Variants in ZNF607 observed in about 807,000 individuals in gnomAD.
ZNF607 encodes the protein zinc finger protein 607.
In ZNF607, 5 loss-of-function variants were observed where a neutral mutation model predicts 12.8. That is an observed-to-expected ratio of 0.39 (90% CI 0.20 to 0.82). The LOEUF (loss-of-function observed/expected upper bound fraction) is 0.82, where lower values mean the gene tolerates loss of function less well. Among genes scored for constraint, ZNF607 ranks in the 40% least tolerant of loss-of-function variants. The pLI, the probability that ZNF607 is intolerant of heterozygous loss-of-function variation, is 0.39. For synonymous variants in ZNF607, 287 were observed against 276.2 expected (o/e 1.04, Z -0.39); for missense variants, 851 against 859.2 (o/e 0.99, Z 0.12).
rs761170851 is a variant in ZNF607 at position 37,698,868 on chromosome 19, G to C, written c.1263C>G (p.Tyr421Ter). Residue 421 changes from tyrosine to a stop codon, truncating the protein, a stop_gained, in exon 5 of 5, where the codon TAC (tyrosine) becomes TAG (stop). Transcript: ENST00000355202. LOFTEE classifies it low-confidence loss of function (END_TRUNC). ...AGGCCTTCCCACATTCCTTACATTT[G>C]TAGGGTTTCTCACCGGTATGAATAT... ...HQNIHTGEKP[Y>*]KCKECGKAFS... The C allele has an allele frequency of 1.9e-6, 3 of 1,613,818 alleles. No homozygotes were observed. In the Admixed American group the frequency reaches 5.0e-5, roughly 27 times the overall value.
chr19:37,698,391 G>C lies in ZNF607; in HGVS notation c.1740C>G (p.Asp580Glu). 1 of 1,614,074 alleles carries C rather than the reference G, an allele frequency of 6.2e-7. No homozygotes were observed. Among genetic ancestry groups the C allele is most frequent in the Middle Eastern group, 1.6e-4 (1 of 6,062 alleles). ...FRHATSLIYH[D>E]RTHAGEKSYE... ...AGGACTTTTCACCAGCATGAGTTCG[G>C]TCATGATATATGAGGCTTGTGGCAT... Residue 580 changes from aspartate (D) to glutamate (E), a missense_variant, in exon 5 of 5, where the codon GAC becomes GAG. Physicochemically the swap from Asp to Glu is conservative, Grantham distance 45. Coordinates refer to ENST00000355202, the MANE Select transcript of ZNF607 (RefSeq NM_032689.5).
rs35046214 is a variant in ZNF607 at position 37,717,827 on chromosome 19, A to G, written c.-75+1442T>C. ...GTCTCAAAAAAAAAAAAAAAAAAAAAAAAGAAAGAAAAAGAGTTGCATATA... is the reference window on the plus strand; with the variant it reads ...GTCTCAAAAAAAAAAAAAAAAAAAAGAAAGAAAGAAAAAGAGTTGCATATA... On this transcript the variant is annotated intron_variant, in intron 1 of 4. Transcript: ENST00000355202. Among the ~76,000 whole-genome samples, 191 of 150,792 alleles carry G rather than the reference A, an allele frequency of 1.3e-3. 1 individual carries two copies. The highest frequency in any genetic ancestry group is 6.8e-3 in the Middle Eastern group (2 of 294).
chr19:37,718,030 C>G (rs962024649), intron 1 of ZNF607, among the ~76,000 whole-genome samples: 1 of 152,040 alleles, frequency 6.6e-6, no homozygotes, highest in Non-Finnish European at 1.5e-5. Flanking sequence ...CATTAGTTTT[C>G]TGCAAAACCA....
chr19:37,698,680 T>C lies in ZNF607; in HGVS notation c.1451A>G (p.Lys484Arg), dbSNP rs1222136849. Residue 484 changes from lysine to arginine, a missense_variant, in exon 5 of 5, where the codon AAG (lysine) becomes AGG (arginine). Lys to Arg is a conservative substitution (Grantham distance 26). Coordinates refer to ENST00000355202, the MANE Select transcript of ZNF607 (RefSeq NM_032689.5). ...EKPYVCQECG[K>R]GFSYSHKLTI... ...GAGTTTATGGCTATAACTAAAACCC[T>C]TCCCACACTCTTGACATACATAGGG... 1 of 1,613,210 alleles carries C rather than the reference T, an allele frequency of 6.2e-7. No homozygotes were observed. The highest frequency in any genetic ancestry group is 8.5e-7 in the Non-Finnish European group (1 of 1,179,476).
chr19:37,697,304 C>T lies in ZNF607; in HGVS notation c.*736G>A. The T allele has an allele frequency of 2.0e-6, 2 of 1,000,550 alleles. No individual in the cohort carries two copies. Among genetic ancestry groups the T allele is most frequent in the Admixed American group, 1.7e-5 (1 of 58,290 alleles). 62.0% of individuals were successfully genotyped at this position (1,000,550 alleles called of 1,614,324 possible). A position where few individuals can be genotyped will look rare whatever the true frequency, so the allele number is the denominator to read the frequency against. ...ATTGGTCAAAGATGGCAGCTCTGTG[C>T]CCAGCATCCACATTACATAAGGCAG... On this transcript the variant is annotated 3_prime_UTR_variant, in exon 5 of 5. Transcript: ENST00000355202.
At chr19:37,702,304 A>G (rs1169305002) in intron 4 of ZNF607, among the ~76,000 whole-genome samples, 2 of 151,184 alleles carry the variant, frequency 1.3e-5, no homozygotes, top group Non-Finnish European at 3.0e-5. Context: ...AAAAAAAAAA[A>G]AAAAAGAAAG....
chr19:37,698,821 G>C lies in ZNF607; in HGVS notation c.1310C>G (p.Ala437Gly). 1 of 1,613,316 alleles carries C rather than the reference G, an allele frequency of 6.2e-7. No homozygotes were observed. Among genetic ancestry groups the C allele is most frequent in the Non-Finnish European group, 8.5e-7 (1 of 1,179,640 alleles). Residue 437 changes from alanine to glycine, a missense_variant, in exon 5 of 5, where the codon GCC becomes GGC. Coordinates refer to ENST00000355202, the MANE Select transcript of ZNF607 (RefSeq NM_032689.5). ...GKAFSQRAHLAHHNRIHTGYK... is the reference protein window; with the variant it reads ...GKAFSQRAHLGHHNRIHTGYK... ...ACCAGTATGAATTCTGTTATGATGG[G>C]CAAGGTGTGCACGCTGACTGAAGGC...
At chr19:37,701,138 A>G (rs2091693081) in intron 4 of ZNF607, among the ~76,000 whole-genome samples, 1 of 152,228 alleles carries the variant, frequency 6.6e-6, no homozygotes. Context: ...AAGATATTCC[A>G]GAGAAACAAT....
intron 3 of ZNF607, among the ~76,000 whole-genome samples, chr19:37,708,561 T>C (rs2909093): frequency 0.75 from 113,165 of 151,246 alleles, 42,954 homozygotes; most frequent in Middle Eastern, 0.83. Context: ...TGAAAACACA[T>C]ACTCTAAAGC....
At chr19:37,701,869 G>C (rs948240132) in intron 4 of ZNF607, among the ~76,000 whole-genome samples, 1 of 149,654 alleles carries the variant, frequency 6.7e-6, no homozygotes, top group Non-Finnish European at 1.5e-5. Context: ...ATATAACCAT[G>C]GGGGGGAGAC....
chr19:37,699,025 T>A lies in ZNF607; in HGVS notation c.1106A>T (p.Glu369Val). 6.2e-7 allele frequency: 1 copy of A among 1,614,026 alleles called. No homozygotes were observed. Among genetic ancestry groups the A allele is most frequent in the African/African-American group, 1.3e-5 (1 of 74,988 alleles). The change falls in exon 5 of 5, where the codon GAA (glutamate) becomes GTA (valine). Residue 369 changes from glutamate (E) to valine (V), a missense_variant. Coordinates refer to ENST00000355202, the MANE Select transcript of ZNF607 (RefSeq NM_032689.5). Reference protein sequence around the residue: ...ESVEKPYKCEECGKAFSVHGR... With the variant: ...ESVEKPYKCEVCGKAFSVHGR... Reference sequence around the variant, plus strand: ...ATGCACACTAAAGGCTTTCCCACATTCCTCACACTTATAAGGTTTCTCAAC... The same window carrying A: ...ATGCACACTAAAGGCTTTCCCACATACCTCACACTTATAAGGTTTCTCAAC...
intron 2 of ZNF607, among the ~76,000 whole-genome samples, chr19:37,710,623 G>C (rs868795065): frequency 1.4e-4 from 21 of 152,150 alleles, no homozygotes; most frequent in African/African-American, 4.8e-4. Flanking sequence ...GAAGAAGCTT[G>C]AAACACAAAT....
Position 37,699,151 on chromosome 19 carries a change from T to G in ZNF607, c.980A>C (p.His327Pro), listed in dbSNP as rs147859303. Residue 327 changes from histidine to proline, a missense_variant, in exon 5 of 5, where the codon CAT becomes CCT. His to Pro is a moderately conservative substitution (Grantham distance 77). Transcript: ENST00000355202. Reference protein sequence around the residue: ...GFTCRYQLTMHQRIYSGEKHY... With the variant: ...GFTCRYQLTMPQRIYSGEKHY... ...TTTCTCCCCTGAATAAATTCTCTGA[T>G]GCATGGTAAGTTGATACCTACATGT... is the stretch of plus-strand genomic sequence containing the variant. The G allele has an allele frequency of 2.2e-5, 35 of 1,614,220 alleles. No individual in the cohort carries two copies. The highest frequency in any genetic ancestry group is 2.9e-5 in the Non-Finnish European group (34 of 1,180,038).
chr19:37,698,152 A>G lies in ZNF607; in HGVS notation c.1979T>C (p.Leu660Pro). ...CGKAFNSSHE[L>P]SIHHRVHTGE... ...AGTATGAACTCTATGATGTATACTA[A>G]GTTCATGGCTACTATTAAAAGCTTT... The change falls in exon 5 of 5, where the codon CTT (leucine) becomes CCT (proline). Residue 660 changes from leucine to proline, a missense_variant. Leu to Pro is a moderately conservative substitution (Grantham distance 98). Transcript: ENST00000355202. The G allele has an allele frequency of 6.2e-7, 1 of 1,614,158 alleles. No homozygotes were observed. Among genetic ancestry groups the G allele is most frequent in the Non-Finnish European group, 8.5e-7 (1 of 1,180,030 alleles).
intron 4 of ZNF607, among the ~76,000 whole-genome samples, chr19:37,705,685 CAAA>C (rs978057659): frequency 5.7e-5 from 3 of 52,692 alleles, no homozygotes; most frequent in Non-Finnish European, 3.6e-5. Flanking sequence ...ACTCTCTCTC[CAAA>C]AAAAAAAAAA....
intron 4 of ZNF607, among the ~76,000 whole-genome samples, chr19:37,705,915 T>C (rs2045079128): frequency 6.6e-6 from 1 of 151,868 alleles, no homozygotes; most frequent in Non-Finnish European, 1.5e-5. Context: ...TAAAAACAGG[T>C]TGATGCCAGG....
chr19:37,697,026 A>G lies in ZNF607; in HGVS notation c.*1014T>C. The G allele has an allele frequency of 1.4e-6, 1 of 724,968 alleles. No homozygotes were observed. The highest frequency in any genetic ancestry group is 2.6e-5 in the East Asian group (1 of 38,266). 44.9% of individuals were successfully genotyped at this position (724,968 alleles called of 1,614,324 possible). ...AAAGCGAGCCACCAGTGACTTGAGG[A>G]TCTCCGTGGTAATGAACGGCAGCAC... On this transcript the variant is annotated 3_prime_UTR_variant, in exon 5 of 5. Coordinates refer to ENST00000355202, the MANE Select transcript of ZNF607 (RefSeq NM_032689.5).
intron 4 of ZNF607, among the ~76,000 whole-genome samples, chr19:37,705,514 G>GA (rs1345522342): frequency 1.3e-5 from 2 of 151,966 alleles, no homozygotes; most frequent in African/African-American, 4.8e-5. Context: ...GTGAGACCCT[G>GA]TCTCTACTAA....
At chr19:37,715,258 C>A (rs942687937) in intron 1 of ZNF607, among the ~76,000 whole-genome samples, 1 of 151,498 alleles carries the variant, frequency 6.6e-6, no homozygotes, top group Non-Finnish European at 1.5e-5. Flanking sequence ...ACTCATAATT[C>A]CGAATTTACA....
Sources: gnomAD v4.1 joint callset for allele counts (sites outside exome capture counted in the v4.1 genomes callset) on GRCh38, gnomAD v4.1.1 for gene constraint, MANE v1.5 for transcripts, NCBI Gene and HGNC (gene_info 2026-07-23, HGNC 2026-07-21) for gene names.